ZNF717: variants seen among roughly 807,000 people sequenced by gnomAD.
The protein encoded by ZNF717 is krueppel-like factor X17.
In ZNF717, 9 loss-of-function variants were observed where a neutral mutation model predicts 13.8. The observed-to-expected ratio is 0.65, with a 90% CI of 0.39 to 1.14. The LOEUF (loss-of-function observed/expected upper bound fraction) is 1.14, where lower values mean the gene tolerates loss of function less well. Among genes scored for constraint, ZNF717 ranks in the 50% most tolerant of loss-of-function variants. The pLI, the probability that ZNF717 is intolerant of heterozygous loss-of-function variation, is 0.01. For synonymous variants in ZNF717, 327 were observed against 364.1 expected, an observed-to-expected ratio of 0.90 and a Z score of 1.16; for missense variants, 1,040 against 1,080.7, an observed-to-expected ratio of 0.96 and a Z score of 0.53.
chr3:75,761,811 G>A (rs28863851), intron 2 of ZNF717, among the ~76,000 whole-genome samples: 1 of 151,836 alleles, frequency 6.6e-6, no homozygotes, highest in African/African-American at 2.4e-5. Flanking sequence ...GCCAAGGCGG[G>A]TGGACCAACT....
intron 6 of ZNF717, among the ~76,000 whole-genome samples, chr3:75,700,305 A>G (rs796414935): frequency 6.6e-6 from 1 of 152,304 alleles, no homozygotes; most frequent in Non-Finnish European, 1.5e-5. Context: ...GAGGCAGAGA[A>G]TTGCTTGAAC....
intron 2 of ZNF717, among the ~76,000 whole-genome samples, chr3:75,768,436 T>C (rs529574782): frequency 7.3e-6 from 1 of 136,258 alleles, no homozygotes; most frequent in South Asian, 2.4e-4. Flanking sequence ...GGGGGGCAGA[T>C]GACAGGCCAC....
chr3:75,726,796 C>G (rs1404451949), downstream of ZNF717, among the ~76,000 whole-genome samples: 5 of 152,270 alleles, frequency 3.3e-5, no homozygotes, highest in East Asian at 9.7e-4. Flanking sequence ...AGTTGTTCCT[C>G]AGTATCCGTG....
In ZNF717 at chr3:75,769,130, G is replaced by A. The variant is rs79300938; in HGVS notation, c.57+14176C>T. On this transcript the variant is annotated intron_variant, in intron 2 of 4. Transcript: ENST00000652011. ...TCTAATCACCTTCCCCCCTTGAATCGTGGCTGGTCTCAGTGATGAGTATGA... is the reference window on the plus strand; with the variant it reads ...TCTAATCACCTTCCCCCCTTGAATCATGGCTGGTCTCAGTGATGAGTATGA... Among the ~76,000 whole-genome samples, 88 of 152,230 alleles carry A rather than the reference G, an allele frequency of 5.8e-4. No homozygotes were observed. The East Asian group carries it at 0.015, about 27-fold the overall frequency.
intron 2 of ZNF717, among the ~76,000 whole-genome samples, chr3:75,746,874 C>T (rs1305461552): frequency 2.0e-5 from 3 of 152,152 alleles, no homozygotes; most frequent in Non-Finnish European, 4.4e-5. Flanking sequence ...TTAATTAGAT[C>T]CTATTTGTCA....
At chr3:75,734,815 A>T (rs200945815), downstream of ZNF717, among the ~76,000 whole-genome samples, 203 of 43,184 alleles carry the variant, frequency 4.7e-3, 1 homozygote, top group Middle Eastern at 0.031. Flanking sequence ...ATATATATAT[A>T]TATTTTTTTT....
intron 2 of ZNF717, among the ~76,000 whole-genome samples, chr3:75,776,539 C>G (rs1042305031): frequency 1.2e-4 from 18 of 152,358 alleles, no homozygotes; most frequent in African/African-American, 4.3e-4. Context: ...GGACAGCGAA[C>G]CCCTTCACAA....
intron 2 of ZNF717, among the ~76,000 whole-genome samples, chr3:75,780,972 T>C (rs1004731939): frequency 6.6e-5 from 10 of 152,222 alleles, no homozygotes; most frequent in African/African-American, 2.4e-4. Flanking sequence ...TCCCAGTGGG[T>C]TTCTAAAGCA....
At chr3:75,739,808 C>T (rs1289739141) in intron 4 of ZNF717, among the ~76,000 whole-genome samples, 1 of 152,164 alleles carries the variant, frequency 6.6e-6, no homozygotes. Context: ...ATTTTTCTGT[C>T]TCCTAAGCAT....
chr3:75,737,283 G>C lies in ZNF717; in HGVS notation c.2340C>G (p.His780Gln), dbSNP rs1480937015. The change falls in exon 5 of 5, where the codon CAC becomes CAG. Residue 780 changes from histidine to glutamine, a missense_variant. This residue lies in a region of ZNF717 where 873 missense variants were observed against 832.8 expected (regional missense o/e 1.05). Coordinates refer to ENST00000652011, the MANE Select transcript of ZNF717 (RefSeq NM_001290208.3). ...KSNLSTHQGT[H>Q]SGEKPYECDE... ...CACATTCATAGGGTTTCTCTCCTGA[G>C]TGAGTCCCCTGATGCGTACTGAGGT... The C allele has an allele frequency of 2.6e-6, 4 of 1,552,866 alleles. No homozygotes were observed. The South Asian group carries it at 3.6e-5, about 14-fold the overall frequency.
intron 1 of ZNF717, among the ~76,000 whole-genome samples, chr3:75,783,900 T>G (rs1250060014): frequency 6.6e-6 from 1 of 152,174 alleles, no homozygotes; most frequent in African/African-American, 2.4e-5. Context: ...TTTCCTGCAG[T>G]ACACCATTCT....
chr3:75,700,511 G>A (rs1937671528), intron 6 of ZNF717, among the ~76,000 whole-genome samples: 1 of 152,280 alleles, frequency 6.6e-6, no homozygotes, highest in Admixed American at 6.5e-5. Flanking sequence ...CAAAACTGGA[G>A]GAATTCCATT....
chr3:75,712,386 G>A (rs76518389), intron 5 of ZNF717, among the ~76,000 whole-genome samples: 1 of 111,572 alleles, frequency 9.0e-6, no homozygotes, highest in South Asian at 2.6e-4. Flanking sequence ...GGGGACCACA[G>A]TTTTTCAGGT....
chr3:75,785,516 AT>A lies in ZNF717; in HGVS notation c.-136del. On this transcript the variant is annotated 5_prime_UTR_variant, in exon 1 of 5. The change abolishes an upstream ATG in the 5' untranslated region. Transcript: ENST00000652011. ...CGCCCTCGCACCGACCCGCAGGGAC[AT>A]AGAACCAAGCCCCAGGCTGGCCCAG... The A allele has an allele frequency of 6.6e-6, 1 of 152,462 alleles. No individual in the cohort carries two copies. The allele number at this position is 152,462 out of a possible 1,614,324, so 9.4% of individuals were successfully genotyped here. A position where few individuals can be genotyped will look rare whatever the true frequency, so the allele number is the denominator to read the frequency against.
In ZNF717 at chr3:75,745,750, C is replaced by T. The variant is rs4677025; in HGVS notation, c.58-4014G>A. Among the ~76,000 whole-genome samples, 194 of 151,956 alleles carry T rather than the reference C, an allele frequency of 1.3e-3. 3 individuals are homozygous for T. Among genetic ancestry groups the T allele is most frequent in the Admixed American group, 0.011 (175 of 15,238 alleles). On this transcript the variant is annotated intron_variant, in intron 2 of 4. Transcript: ENST00000652011. Reference sequence around the variant, plus strand: ...TCTGCACCTGGCTTATTTCACTTAACATGTTGTCCTCCAGGTTCATCCATG... The same window carrying T: ...TCTGCACCTGGCTTATTTCACTTAATATGTTGTCCTCCAGGTTCATCCATG...
intron 4 of ZNF717, 38 bp downstream of exon 4, chr3:75,741,238 C>G (rs1433214454): frequency 7.7e-7 from 1 of 1,302,710 alleles, no homozygotes; most frequent in African/African-American, 1.5e-5. Flanking sequence ...CTGGGCATTA[C>G]TCCTCCAGGC....
In ZNF717 at chr3:75,736,992, T is replaced by G. The variant is rs969323857; in HGVS notation, c.2631A>C (p.Lys877Asn). Residue 877 changes from lysine to asparagine, a missense_variant, in exon 5 of 5, where the codon AAA becomes AAC. Transcript: ENST00000652011. ...EKPYECKECG[K>N]TFCQKSHLSR... The stretch of plus-strand genomic sequence containing the variant: ...TGAGGTGTGACTTCTGGCAAAAGGT[T>G]TTCCCACATTCCTTACATTCATAAG... The G allele has an allele frequency of 1.9e-6, 3 of 1,587,280 alleles. No homozygotes were observed. The highest frequency in any genetic ancestry group is 2.6e-6 in the Non-Finnish European group (3 of 1,167,006).
chr3:75,755,067 C>A (rs1354453059), intron 2 of ZNF717, among the ~76,000 whole-genome samples: 1 of 152,050 alleles, frequency 6.6e-6, no homozygotes, highest in Non-Finnish European at 1.5e-5. Context: ...AGAAAAAAAA[C>A]CCACCAACCT....
chr3:75,765,982 A>T (rs1441448649), intron 2 of ZNF717, among the ~76,000 whole-genome samples: 1 of 152,208 alleles, frequency 6.6e-6, no homozygotes, highest in African/African-American at 2.4e-5. Flanking sequence ...GGTGCCATGC[A>T]CCTGTAGTCC....
Sources: allele counts gnomAD v4.1 joint callset (sites outside exome capture counted in the v4.1 genomes callset), GRCh38; gene constraint gnomAD v4.1.1; regional missense constraint gnomAD v4.1.1; transcripts MANE v1.5; gene names NCBI Gene and HGNC (gene_info 2026-07-23, HGNC 2026-07-21).